Variants in DYNC2I1 observed in about 807,000 individuals in gnomAD.
DYNC2I1 encodes cytoplasmic dynein 2 intermediate chain 1.
A neutral mutation model predicts 133.4 loss-of-function variants in DYNC2I1; 89 were observed. That is an observed-to-expected ratio of 0.67 (90% CI 0.56 to 0.80). The LOEUF (loss-of-function observed/expected upper bound fraction) is 0.80, where lower values mean the gene tolerates loss of function less well. DYNC2I1 is among the 30% of genes least tolerant of loss of function. The probability of loss-of-function intolerance (pLI) is 0.00; values close to 1 mark genes in which losing one functional copy is unlikely to be tolerated. For synonymous variants in DYNC2I1, 504 were observed against 484.3 expected, an observed-to-expected ratio of 1.04 and a Z score of -0.54; for missense variants, 1,291 against 1,314.5, an observed-to-expected ratio of 0.98 and a Z score of 0.28.
chr7:158,854,002 G>A (rs1841112330), upstream of DYNC2I1, among the ~76,000 whole-genome samples: 1 of 145,790 alleles, frequency 6.9e-6, no homozygotes, highest in Non-Finnish European at 1.5e-5. Context: ...GAGGATTGGA[G>A]TTTGAAGGAT....
chr7:158,935,337 G>A (rs1442333682), intron 23 of DYNC2I1, among the ~76,000 whole-genome samples: 1 of 152,206 alleles, frequency 6.6e-6, no homozygotes, highest in Non-Finnish European at 1.5e-5. Context: ...TCAGTTTATG[G>A]GTTGGTTTGG....
upstream of DYNC2I1, among the ~76,000 whole-genome samples, chr7:158,856,307 G>A (rs531808146): frequency 9.2e-5 from 14 of 152,288 alleles, 1 homozygote; most frequent in African/African-American, 3.1e-4. Context: ...CTGTCAGTCC[G>A]GTCCCGTGGG....
intron 1 of DYNC2I1, 41 bp from the exon 2 acceptor site, chr7:158,869,814 A>G: frequency 8.9e-7 from 1 of 1,121,844 alleles, no homozygotes; most frequent in Non-Finnish European, 1.2e-6. Context: ...CACTGAAAAT[A>G]AATTATTTTA....
chr7:158,930,287 CGT>C (rs1380167581), intron 20 of DYNC2I1, among the ~76,000 whole-genome samples, 166 bp from the exon 21 acceptor site: 2 of 152,174 alleles, frequency 1.3e-5, no homozygotes, highest in African/African-American at 4.8e-5. Context: ...AGGCAGGATA[CGT>C]GAACCTCACC....
intron 15 of DYNC2I1, among the ~76,000 whole-genome samples, chr7:158,919,241 G>A (rs969622533): frequency 1.3e-5 from 2 of 152,234 alleles, no homozygotes; most frequent in Non-Finnish European, 2.9e-5. Context: ...GAGCATGAGA[G>A]AGTGTTCAGA....
chr7:158,917,846 A>G (rs1230603055), intron 14 of DYNC2I1, among the ~76,000 whole-genome samples: 1 of 151,868 alleles, frequency 6.6e-6, no homozygotes, highest in Non-Finnish European at 1.5e-5. Flanking sequence ...TTCCTTCTTC[A>G]CACCCATCCT....
chr7:158,849,698 T>G, the DYNC2I1 span, among the ~76,000 whole-genome samples: 462 of 152,318 alleles, frequency 3.0e-3, no homozygotes, highest in Non-Finnish European at 5.5e-3. Context: ...GAGAGGAGGC[T>G]CTGGAGAGGG....
intron 4 of DYNC2I1, among the ~76,000 whole-genome samples, chr7:158,951,197 C>T (rs1011423104): frequency 7.9e-5 from 12 of 152,204 alleles, no homozygotes; most frequent in Non-Finnish European, 1.6e-4. Flanking sequence ...TTCTGTGTTA[C>T]TTAAGCATTT....
chr7:158,941,727 T>C (rs1851385030), intron 23 of DYNC2I1, among the ~76,000 whole-genome samples, 198 bp from the exon 24 acceptor site: 1 of 151,998 alleles, frequency 6.6e-6, no homozygotes, highest in Non-Finnish European at 1.5e-5. Context: ...ACGAACGATA[T>C]AAAAGGTGGG....
At position 158,927,052 on chromosome 7, in the gene DYNC2I1, T is replaced by A; in HGVS notation, c.2485+9T>A. On this transcript the variant is annotated intron_variant, in intron 20 of 24. Coordinates refer to ENST00000407559, the MANE Select transcript of DYNC2I1 (RefSeq NM_018051.5). ...TTCAATAAGTGATTTAGGTAACTAT[T>A]AAGTAAAAAAATTAATTTTAGTGTT... 6.3e-7 allele frequency: 1 copy of A among 1,575,548 alleles called. No individual in the cohort carries two copies. Among genetic ancestry groups the A allele is most frequent in the Non-Finnish European group, 8.6e-7 (1 of 1,157,602 alleles).
rs372668241 is a variant in DYNC2I1, at chr7:158,897,606, C to T, written c.1060-4133C>T. 3.2e-4 allele frequency among the ~76,000 whole-genome samples: 49 copies of T among 152,194 alleles called. 2 individuals carry two copies. In the South Asian group the frequency reaches 9.3e-3, roughly 29 times the overall value. On this transcript the variant is annotated intron_variant, in intron 8 of 24. Coordinates refer to ENST00000407559, the MANE Select transcript of DYNC2I1 (RefSeq NM_018051.5). ...GTGATGTCCTCTTTTACCTTTCTGA[C>T]GCTAGTAATTTGGATCCACTTTCTT...
In DYNC2I1 at chr7:158,927,017, A is replaced by G; in HGVS notation, c.2459A>G (p.Asp820Gly). The G allele has an allele frequency of 6.2e-7, 1 of 1,604,758 alleles. No individual in the cohort carries two copies. Among genetic ancestry groups the G allele is most frequent in the Non-Finnish European group, 8.5e-7 (1 of 1,175,096 alleles). The stretch of plus-strand genomic sequence containing the variant: ...GTGGTTGTTGAATTACCAAAGGCAG[A>G]CATCGCAGGTTCAATAAGTGATTTA... ...VWVVVELPKA[D>G]IAGSISDLGL... The change falls in exon 20 of 25, where the codon GAC becomes GGC. Residue 820 changes from aspartate to glycine, a missense_variant. Asp to Gly is a moderately conservative substitution (Grantham distance 94). Transcript: ENST00000407559.
intron 17 of DYNC2I1, among the ~76,000 whole-genome samples, chr7:158,924,612 T>G (rs1253104954): frequency 6.6e-6 from 1 of 151,404 alleles, no homozygotes; most frequent in Non-Finnish European, 1.5e-5. Context: ...GCGATGCTAT[T>G]TTAAAAGATA....
At chr7:158,869,545 A>C (rs2129477263) in intron 1 of DYNC2I1, 1 of 503,066 alleles carries the variant, frequency 2.0e-6, no homozygotes, top group South Asian at 1.6e-5. Flanking sequence ...GATATTTTAA[A>C]CCCACAGAAT....
At chr7:158,888,019 CTTTTTTTTTT>C (rs545903783) in intron 7 of DYNC2I1, among the ~76,000 whole-genome samples, 2 of 96,598 alleles carry the variant, frequency 2.1e-5, no homozygotes, top group Non-Finnish European at 3.9e-5. Context: ...AACCATTGTC[CTTTTTTTTTT>C]TTTTTTTTTT....
intron 16 of DYNC2I1, 139 bp from the exon 17 acceptor site, chr7:158,923,432 A>G (rs879538078): frequency 9.0e-7 from 1 of 1,116,648 alleles, no homozygotes; most frequent in Non-Finnish European, 1.3e-6. Context: ...GCAGGAGTCT[A>G]CGTTCTGCTT....
At chr7:158,857,449 C>T (rs1841380241) in intron 1 of DYNC2I1, among the ~76,000 whole-genome samples, 1 of 151,938 alleles carries the variant, frequency 6.6e-6, no homozygotes, top group Non-Finnish European at 1.5e-5. Context: ...CTTCTACCTT[C>T]ACTCCTATTA....
intron 5 of DYNC2I1, among the ~76,000 whole-genome samples, chr7:158,881,045 C>T (rs1268449710): frequency 2.0e-5 from 3 of 152,174 alleles, no homozygotes; most frequent in Non-Finnish European, 4.4e-5. Context: ...GAGCTGGTGG[C>T]CACTGCAGTG....
intron 14 of DYNC2I1, 79 bp from the exon 15 acceptor site, chr7:158,918,661 G>C: frequency 1.3e-6 from 2 of 1,550,636 alleles, no homozygotes; most frequent in Non-Finnish European, 1.8e-6. Context: ...ATATGGATAA[G>C]ATGAAAAGGT....
Sources: gnomAD v4.1 joint callset for allele counts (sites outside exome capture counted in the v4.1 genomes callset) on GRCh38, gnomAD v4.1.1 for gene constraint, MANE v1.5 for transcripts, NCBI Gene and HGNC (gene_info 2026-07-23, HGNC 2026-07-21) for gene names.